NR3C1: variants seen among roughly 807,000 people sequenced by gnomAD.
NR3C1 encodes nuclear receptor subfamily 3 group C member 1.
A neutral mutation model predicts 74.0 loss-of-function variants in NR3C1; 14 were observed. The observed-to-expected ratio is 0.19, with a 90% CI of 0.12 to 0.30. The LOEUF (loss-of-function observed/expected upper bound fraction) is 0.30. Among genes scored for constraint, NR3C1 ranks in the 10% least tolerant of loss-of-function variants. NR3C1 has a pLI of 1.00. For missense variants in NR3C1, 695 were observed against 909.8 expected, an observed-to-expected ratio of 0.76 and a Z score of 3.04; for synonymous variants, 308 against 332.5, an observed-to-expected ratio of 0.93 and a Z score of 0.80.
chr5:143,279,184 AG>A lies in NR3C1; in HGVS notation c.*2704del, dbSNP rs1177669945. 1 of 660,894 alleles carries A rather than the reference AG, an allele frequency of 1.5e-6. No individual in the cohort carries two copies. The highest frequency in any genetic ancestry group is 1.9e-5 in the African/African-American group (1 of 52,126). 40.9% of individuals were successfully genotyped at this position (660,894 alleles called of 1,614,324 possible). A position where few individuals can be genotyped will look rare whatever the true frequency, so the allele number is the denominator to read the frequency against. ...TTAAATCCACAATTAAACATAATTA[AG>A]ATGACTTTCTTTTCCCCCACGTATC... On this transcript the variant is annotated 3_prime_UTR_variant, in exon 9 of 9. Transcript: ENST00000394464.
At chr5:143,358,431 T>A (rs983623960) in intron 2 of NR3C1, among the ~76,000 whole-genome samples, 1 of 152,214 alleles carries the variant, frequency 6.6e-6, no homozygotes, top group Admixed American at 6.5e-5. Context: ...CTTTTGCCAT[T>A]ATAACCATCT....
rs751332367 is a variant in NR3C1, at chr5:143,293,892, G to GTTGT, written c.2023+1564_2023+1567dup. On this transcript the variant is annotated intron_variant, in intron 7 of 8. Coordinates refer to ENST00000394464, the MANE Select transcript of NR3C1 (RefSeq NM_000176.3). ...TTTTTTTTTTTTTTAAACAAGTAAAGTTGTTAGTATCCAGGCACTGAATTA... is the reference window on the plus strand; with the variant it reads ...TTTTTTTTTTTTTTAAACAAGTAAAGTTGTTTGTTAGTATCCAGGCACTGAATTA... The GTTGT allele has an allele frequency of 3.6e-5, 35 of 964,548 alleles. No homozygotes were observed. In the East Asian group the frequency reaches 2.1e-3, roughly 57 times the overall value. The allele number at this position is 964,548 out of a possible 1,614,324, so 59.7% of individuals were successfully genotyped here. A position where few individuals can be genotyped will look rare whatever the true frequency, so the allele number is the denominator to read the frequency against.
intron 1 of NR3C1, among the ~76,000 whole-genome samples, chr5:143,408,728 G>T (rs1333458136): frequency 1.3e-5 from 2 of 152,080 alleles, no homozygotes; most frequent in African/African-American, 4.8e-5. Context: ...TTTTTCATTT[G>T]TGGTATCATA....
At chr5:143,394,502 T>C (rs1408135974) in intron 2 of NR3C1, among the ~76,000 whole-genome samples, 2 of 152,120 alleles carry the variant, frequency 1.3e-5, no homozygotes, top group Non-Finnish European at 2.9e-5. Flanking sequence ...CACTATGATA[T>C]ATGAAATGAT....
intron 1 of NR3C1, among the ~76,000 whole-genome samples, chr5:143,421,441 C>T (rs1374165278): frequency 6.6e-6 from 1 of 152,142 alleles, no homozygotes; most frequent in Admixed American, 6.5e-5. Flanking sequence ...CAGAGTCCTT[C>T]CCTGTAAAAT....
At chr5:143,365,403 G>A (rs2151834852) in intron 2 of NR3C1, among the ~76,000 whole-genome samples, 1 of 152,188 alleles carries the variant, frequency 6.6e-6, no homozygotes, top group South Asian at 2.1e-4. Flanking sequence ...TAGACAAATA[G>A]ACTTAAGATA....
intron 2 of NR3C1, among the ~76,000 whole-genome samples, chr5:143,344,589 C>G (rs890305863): frequency 6.6e-6 from 1 of 152,040 alleles, no homozygotes; most frequent in African/African-American, 2.4e-5. Context: ...AAAAATGATG[C>G]TGACTGGGCG....
At chr5:143,310,324 T>C (rs1277917056) in intron 3 of NR3C1, 111 bp from the exon 4 acceptor site, 3 of 785,062 alleles carry the variant, frequency 3.8e-6, no homozygotes, top group Non-Finnish European at 6.5e-6. Flanking sequence ...CCCACAGGTA[T>C]TGCCTTGAGG....
chr5:143,296,919 A>T (rs922535738), intron 6 of NR3C1, among the ~76,000 whole-genome samples: 1 of 152,052 alleles, frequency 6.6e-6, no homozygotes, highest in African/African-American at 2.4e-5. Context: ...TCTACTAAAA[A>T]TACAAAAAAT....
At position 143,399,747 on chromosome 5, in the gene NR3C1, T is replaced by G. The variant is rs1337247277; in HGVS notation, c.1093A>C (p.Asn365His). 1.2e-6 allele frequency: 2 copies of G among 1,614,040 alleles called. No homozygotes were observed. Among genetic ancestry groups the G allele is most frequent in the South Asian group, 2.2e-5 (2 of 91,080 alleles). ...PPIPVGSENW[N>H]RCQGSGDDNL... ...TCATCTCCAGATCCTTGGCACCTAT[T>G]CCAATTTTCGGAACCAACGGGAATT... The change falls in exon 2 of 9, where the codon AAT (asparagine) becomes CAT (histidine). Residue 365 changes from asparagine to histidine, a missense_variant. Around this residue, in one of 4 missense-constraint regions of NR3C1, gnomAD observed 497 missense variants for 489.5 expected, o/e 1.02. Transcript: ENST00000394464.
chr5:143,379,408 G>T (rs1402961589), intron 2 of NR3C1, among the ~76,000 whole-genome samples: 1 of 152,252 alleles, frequency 6.6e-6, no homozygotes, highest in Non-Finnish European at 1.5e-5. Flanking sequence ...TAAATTCCAA[G>T]ATTTTATCCT....
chr5:143,403,878 G>T, upstream of NR3C1: 1 of 977,470 alleles, frequency 1.0e-6, no homozygotes, highest in Non-Finnish European at 1.2e-6. Flanking sequence ...GACGGCGCCT[G>T]CACGCCCGCG....
intron 2 of NR3C1, among the ~76,000 whole-genome samples, chr5:143,363,476 C>CT (rs1832643765): frequency 6.6e-6 from 1 of 152,040 alleles, no homozygotes; most frequent in African/African-American, 2.4e-5. Flanking sequence ...TAGACAAAGA[C>CT]TTAAAATCAT....
At chr5:143,301,650 C>G (rs1818511483) in intron 4 of NR3C1, among the ~76,000 whole-genome samples, 1 of 152,050 alleles carries the variant, frequency 6.6e-6, no homozygotes, top group Admixed American at 6.6e-5. Context: ...ATAAGAATTA[C>G]ATTGTTCTCT....
chr5:143,317,709 T>C lies in NR3C1; in HGVS notation c.1185-3541A>G, dbSNP rs114850564. ...CTACAAGGAGGATTATGGGTGAAAG[T>C]CATGGATGGATTATGAGTTAATCAC... On this transcript the variant is annotated intron_variant, in intron 2 of 8. Transcript: ENST00000394464. 1.3e-3 allele frequency among the ~76,000 whole-genome samples: 193 copies of C among 152,290 alleles called. 1 individual carries two copies. The highest frequency in any genetic ancestry group is 4.2e-3 in the African/African-American group (173 of 41,578).
At chr5:143,403,770 G>A (rs1231586993), upstream of NR3C1, 23 of 983,270 alleles carry the variant, frequency 2.3e-5, no homozygotes, top group Non-Finnish European at 2.7e-5. Flanking sequence ...CGGCGGCCGC[G>A]GGGAACGATG....
At chr5:143,336,018 T>C (rs1217982084) in intron 2 of NR3C1, among the ~76,000 whole-genome samples, 1 of 152,262 alleles carries the variant, frequency 6.6e-6, no homozygotes, top group East Asian at 1.9e-4. Context: ...AACTGGCTAT[T>C]GATAAAATTT....
chr5:143,333,764 C>G (rs1218651928), intron 2 of NR3C1, among the ~76,000 whole-genome samples: 2 of 151,806 alleles, frequency 1.3e-5, no homozygotes, highest in Non-Finnish European at 2.9e-5. Flanking sequence ...GAGACTCCAT[C>G]TCAAAAAACA....
At chr5:143,365,458 C>T (rs1833023067) in intron 2 of NR3C1, among the ~76,000 whole-genome samples, 1 of 152,126 alleles carries the variant, frequency 6.6e-6, no homozygotes, top group Non-Finnish European at 1.5e-5. Flanking sequence ...AAGAATCAAT[C>T]TATCAAGAAG....
Sources: gnomAD v4.1 joint callset for allele counts (sites outside exome capture counted in the v4.1 genomes callset) on GRCh38, gnomAD v4.1.1 for gene constraint, gnomAD v4.1.1 regional missense constraint, MANE v1.5 for transcripts, NCBI Gene and HGNC (gene_info 2026-07-23, HGNC 2026-07-21) for gene names.